FAM135B: variants seen among roughly 807,000 people sequenced by gnomAD.
FAM135B encodes protein FAM135B.
A neutral mutation model predicts 127.7 loss-of-function variants in FAM135B; 43 were observed. That is an observed-to-expected ratio of 0.34 (90% CI 0.26 to 0.43). FAM135B has a LOEUF of 0.43. Among genes scored for constraint, FAM135B ranks in the 20% least tolerant of loss-of-function variants. FAM135B has a pLI of 1.00. For missense variants in FAM135B, 1,558 were observed against 1,725.6 expected, an observed-to-expected ratio of 0.90 and a Z score of 1.72; for synonymous variants, 670 against 665.1, an observed-to-expected ratio of 1.01 and a Z score of -0.11.
At chr8:138,200,219 T>C (rs1817000344) in intron 7 of FAM135B, among the ~76,000 whole-genome samples, 2 of 152,222 alleles carry the variant, frequency 1.3e-5, no homozygotes, top group African/African-American at 4.8e-5. Context: ...ACTTAAGACA[T>C]TCAGCAACGT....
intron 3 of FAM135B, among the ~76,000 whole-genome samples, chr8:138,288,218 CACA>C (rs1188515481): frequency 2.0e-5 from 3 of 152,088 alleles, no homozygotes; most frequent in Admixed American, 6.5e-5. Flanking sequence ...TTGTACCAAG[CACA>C]ACAAGAGAAG....
At chr8:138,357,309 T>G (rs1464910315) in intron 2 of FAM135B, among the ~76,000 whole-genome samples, 1 of 152,140 alleles carries the variant, frequency 6.6e-6, no homozygotes, top group Admixed American at 6.6e-5. Flanking sequence ...CAGCATTGGT[T>G]AAATAAATTA....
rs1041187593 is a variant in FAM135B, at chr8:138,167,769, T to C, written c.1258+126A>G. On this transcript the variant is annotated intron_variant, in intron 12 of 19. Transcript: ENST00000395297. ...TCAAACCATTACTTTGTTTCCTCTC[T>C]ATGAACTGACATAATCCTTCATTAA... is the stretch of plus-strand genomic sequence containing the variant. 4.4e-6 allele frequency: 5 copies of C among 1,125,364 alleles called. No individual in the cohort carries two copies. In the African/African-American group the frequency reaches 6.3e-5, roughly 14 times the overall value. The allele number at this position is 1,125,364 out of a possible 1,614,324, so 69.7% of individuals were successfully genotyped here.
At chr8:138,494,155 T>C (rs1815298824) in intron 1 of FAM135B, among the ~76,000 whole-genome samples, 1 of 152,182 alleles carries the variant, frequency 6.6e-6, no homozygotes. Flanking sequence ...CCTCAGTGGG[T>C]TGACCCTAAA....
intron 5 of FAM135B, among the ~76,000 whole-genome samples, chr8:138,253,192 A>G (rs955959226): frequency 6.6e-6 from 1 of 152,188 alleles, no homozygotes; most frequent in African/African-American, 2.4e-5. Flanking sequence ...GGGCAGATGC[A>G]CAGGGATGAA....
Position 138,167,352 on chromosome 8 carries a change from C to T in FAM135B, c.1258+543G>A, listed in dbSNP as rs140650000. On this transcript the variant is annotated intron_variant, in intron 12 of 19. Coordinates refer to ENST00000395297, the MANE Select transcript of FAM135B (RefSeq NM_015912.4). ...CTGGGATTACAGGTGTCCGCCACCA[C>T]GCCCAGCTCATTTTTGTATTTTTAG... Among the ~76,000 whole-genome samples, 846 of 152,170 alleles carry T rather than the reference C, an allele frequency of 5.6e-3. 10 individuals carry two copies. The highest frequency in any genetic ancestry group is 0.02 in the African/African-American group (814 of 41,508).
At chr8:138,334,815 C>A (rs1361264962) in intron 2 of FAM135B, among the ~76,000 whole-genome samples, 1 of 152,100 alleles carries the variant, frequency 6.6e-6, no homozygotes, top group Non-Finnish European at 1.5e-5. Context: ...TAGGTTGATT[C>A]CATCTCTTTG....
At chr8:138,314,984 T>C (rs1826973592) in intron 2 of FAM135B, among the ~76,000 whole-genome samples, 1 of 148,960 alleles carries the variant, frequency 6.7e-6, no homozygotes, top group South Asian at 2.1e-4. Flanking sequence ...ACAGCTATAA[T>C]ACAATCTTGA....
At chr8:138,168,720 T>G (rs927996147) in intron 11 of FAM135B, among the ~76,000 whole-genome samples, 2 of 152,184 alleles carry the variant, frequency 1.3e-5, no homozygotes, top group Non-Finnish European at 2.9e-5. Context: ...TGGTAGAAAG[T>G]GTGTATTCCC....
At chr8:138,248,841 A>AC (rs1821491745) in intron 6 of FAM135B, among the ~76,000 whole-genome samples, 1 of 147,546 alleles carries the variant, frequency 6.8e-6, no homozygotes. Flanking sequence ...AAAAAACAAT[A>AC]AAAGTAAAAT....
intron 1 of FAM135B, among the ~76,000 whole-genome samples, chr8:138,369,669 G>A (rs777198800): frequency 4.6e-5 from 7 of 152,116 alleles, no homozygotes; most frequent in African/African-American, 7.2e-5. Context: ...CAACACACCC[G>A]AGCCAGTCAA....
intron 1 of FAM135B, among the ~76,000 whole-genome samples, chr8:138,410,117 T>C (rs1440231178): frequency 6.6e-6 from 1 of 152,128 alleles, no homozygotes; most frequent in Non-Finnish European, 1.5e-5. Flanking sequence ...GCTGCCACTG[T>C]AAAGGCTGAC....
chr8:138,218,805 G>A (rs62532000), intron 7 of FAM135B, among the ~76,000 whole-genome samples: 308 of 16,580 alleles, frequency 0.019, 1 homozygote, highest in Middle Eastern at 0.038. Flanking sequence ...AGAGAGAGAG[G>A]GAGAGAAAGA....
At chr8:138,135,355 A>G (rs148974556) in intron 19 of FAM135B, among the ~76,000 whole-genome samples, 6 of 152,326 alleles carry the variant, frequency 3.9e-5, no homozygotes, top group East Asian at 1.9e-4. Flanking sequence ...GTCTGAACTG[A>G]AAACCAGATC....
intron 2 of FAM135B, among the ~76,000 whole-genome samples, chr8:138,335,355 A>T (rs959279587): frequency 6.6e-6 from 1 of 152,190 alleles, no homozygotes; most frequent in Non-Finnish European, 1.5e-5. Flanking sequence ...GTGTAAATTA[A>T]AAGAGTTGTG....
chr8:138,163,953 C>T (rs1462870622), intron 12 of FAM135B, among the ~76,000 whole-genome samples: 5 of 152,132 alleles, frequency 3.3e-5, no homozygotes, highest in African/African-American at 7.2e-5. Flanking sequence ...CTCAGCCTCT[C>T]GAGAAGCTTG....
chr8:138,208,202 G>T (rs543784459), intron 7 of FAM135B, among the ~76,000 whole-genome samples: 1 of 151,988 alleles, frequency 6.6e-6, no homozygotes. Flanking sequence ...CTGGGTAGAG[G>T]GTTCGAATAG....
intron 1 of FAM135B, among the ~76,000 whole-genome samples, chr8:138,463,814 G>A (rs773515336): frequency 3.0e-4 from 45 of 152,146 alleles, no homozygotes; most frequent in Non-Finnish European, 4.0e-4. Context: ...ATCCTGAGGA[G>A]AAGGGTCGAG....
intron 12 of FAM135B, among the ~76,000 whole-genome samples, chr8:138,160,261 C>A (rs1262902879): frequency 6.6e-6 from 1 of 152,060 alleles, no homozygotes; most frequent in African/African-American, 2.4e-5. Flanking sequence ...TTCCTGAGTT[C>A]TGGGAGTCAT....
Sources: allele counts gnomAD v4.1 joint callset (sites outside exome capture counted in the v4.1 genomes callset), GRCh38; gene constraint gnomAD v4.1.1; transcripts MANE v1.5; gene names NCBI Gene and HGNC (gene_info 2026-07-23, HGNC 2026-07-21).